The following FARS2 variants were observed in gnomAD, a reference collection of about 807,000 sequenced individuals.
FARS2 encodes phenylalanine--tRNA ligase, mitochondrial.
Under a neutral mutation model 46.4 loss-of-function variants are expected in FARS2, and 40 were observed. The observed-to-expected ratio is 0.86, with a 90% confidence interval of 0.67 to 1.12. The LOEUF is 1.12. Among genes scored for constraint, FARS2 ranks in the 50% most tolerant of loss-of-function variants. FARS2 has a pLI of 0.00. For missense variants in FARS2, 513 were observed against 567.9 expected (o/e 0.90, Z 0.98); for synonymous variants, 234 against 214.9 (o/e 1.09, Z -0.78).
At chr6:5,665,100 A>G (rs1460654450) in intron 6 of FARS2, 1 of 152,240 alleles carries the variant, frequency 6.6e-6, no homozygotes, top group Non-Finnish European at 1.5e-5. Flanking sequence ...AGGACAGGCT[A>G]TTTGTGAAGG....
intron 5 of FARS2, among the ~76,000 whole-genome samples, chr6:5,594,088 G>T (rs1319331215): frequency 6.6e-6 from 1 of 152,118 alleles, no homozygotes; most frequent in Non-Finnish European, 1.5e-5. Context: ...GTATTTTTTG[G>T]GTGGAAGGGA....
At chr6:5,340,904 T>C (rs1771507627) in intron 1 of FARS2, among the ~76,000 whole-genome samples, 1 of 151,640 alleles carries the variant, frequency 6.6e-6, no homozygotes, top group Non-Finnish European at 1.5e-5. Flanking sequence ...TCCCAGCACT[T>C]TGGGAGGCCG....
chr6:5,416,163 T>C (rs1762227564), intron 3 of FARS2, among the ~76,000 whole-genome samples: 2 of 152,370 alleles, frequency 1.3e-5, no homozygotes, highest in South Asian at 4.1e-4. Flanking sequence ...TAACCAATTT[T>C]TTTCTTTTAT....
intron 5 of FARS2, among the ~76,000 whole-genome samples, chr6:5,589,642 A>G (rs1408945805): frequency 6.6e-6 from 1 of 152,242 alleles, no homozygotes; most frequent in Non-Finnish European, 1.5e-5. Flanking sequence ...GACGAAGCAC[A>G]TTGCAACCTG....
At chr6:5,341,241 T>A (rs1189283297) in intron 1 of FARS2, among the ~76,000 whole-genome samples, 33 of 53,768 alleles carry the variant, frequency 6.1e-4, no homozygotes, top group Non-Finnish European at 8.3e-4. Context: ...ATATATTTTT[T>A]TTTTTTTTTT....
intron 6 of FARS2, among the ~76,000 whole-genome samples, chr6:5,756,963 G>A (rs899889330): frequency 1.3e-5 from 2 of 152,086 alleles, no homozygotes; most frequent in Non-Finnish European, 2.9e-5. Context: ...AAAAATGTTG[G>A]GCCACACCAG....
intron 1 of FARS2, among the ~76,000 whole-genome samples, chr6:5,306,122 A>T (rs1406959153): frequency 6.6e-6 from 1 of 152,182 alleles, no homozygotes; most frequent in Non-Finnish European, 1.5e-5. Context: ...AGGGAGCATG[A>T]ACTTTGAGCT....
At chr6:5,533,486 C>T (rs959553726) in intron 4 of FARS2, among the ~76,000 whole-genome samples, 2 of 152,170 alleles carry the variant, frequency 1.3e-5, no homozygotes, top group Admixed American at 6.5e-5. Flanking sequence ...TCTGTTGTTT[C>T]TTTGCAAATA....
At chr6:5,260,691 C>T, upstream of FARS2, 2 of 1,554,842 alleles carry the variant, frequency 1.3e-6, no homozygotes, top group Non-Finnish European at 1.7e-6. Context: ...CTCAGCATCG[C>T]CCGGTACAGA....
chr6:5,645,351 G>A (rs776360662), intron 6 of FARS2, among the ~76,000 whole-genome samples: 2 of 152,176 alleles, frequency 1.3e-5, no homozygotes, highest in Non-Finnish European at 2.9e-5. Flanking sequence ...TTCAATTAGA[G>A]TCACAAGCAA....
At chr6:5,717,070 C>G (rs1759542886) in intron 6 of FARS2, among the ~76,000 whole-genome samples, 1 of 152,204 alleles carries the variant, frequency 6.6e-6, no homozygotes, top group South Asian at 2.1e-4. Context: ...TCTCTCTGTG[C>G]AACATTCCTT....
intron 1 of FARS2, among the ~76,000 whole-genome samples, chr6:5,278,041 A>T (rs889070449): frequency 2.0e-5 from 3 of 152,152 alleles, no homozygotes; most frequent in Admixed American, 2.0e-4. Flanking sequence ...ATCTGTCATT[A>T]ATCTAAATTA....
intron 5 of FARS2, among the ~76,000 whole-genome samples, chr6:5,576,602 A>G (rs188873620): frequency 2.5e-3 from 362 of 147,090 alleles, no homozygotes; most frequent in Non-Finnish European, 4.0e-3. Context: ...TATATGATAT[A>G]TTATATATAT....
At chr6:5,745,624 C>T (rs186445938) in intron 6 of FARS2, among the ~76,000 whole-genome samples, 8 of 152,266 alleles carry the variant, frequency 5.3e-5, no homozygotes, top group Middle Eastern at 3.4e-3. Flanking sequence ...CTGCAGCCTC[C>T]GCCACCTGTG....
Position 5,711,391 on chromosome 6 carries a change from C to G in FARS2, c.1218-59900C>G, listed in dbSNP as rs575265705. Among the ~76,000 whole-genome samples, 7 of 152,278 alleles carry G rather than the reference C, an allele frequency of 4.6e-5. No individual in the cohort carries two copies. In the East Asian group the frequency reaches 1.4e-3, roughly 29 times the overall value. ...TCCCCCAACAAGGTGGAACATAACT[C>G]CCCACGCTTTAGTGTGGGCTGTACA... On this transcript the variant is annotated intron_variant, in intron 6 of 6. Transcript: ENST00000274680.
At chr6:5,446,408 C>G (rs911133363) in intron 4 of FARS2, among the ~76,000 whole-genome samples, 1 of 152,112 alleles carries the variant, frequency 6.6e-6, no homozygotes, top group Admixed American at 6.5e-5. Flanking sequence ...GTATTTGATA[C>G]TCCATTTAGT....
rs150792741 is a variant in FARS2, at chr6:5,576,479, G to C, written c.1065+31139G>C. On this transcript the variant is annotated intron_variant, in intron 5 of 6. Coordinates refer to ENST00000274680, the MANE Select transcript of FARS2 (RefSeq NM_006567.5). ...CTCGTACTGGCTTTCGTGCTCCTCA[G>C]CTTGCACATGGCCTATTTTGGGACC... 2.9e-3 allele frequency among the ~76,000 whole-genome samples: 443 copies of C among 151,542 alleles called. 1 individual carries two copies. The highest frequency in any genetic ancestry group is 0.01 in the African/African-American group (433 of 41,302).
chr6:5,382,753 CG>C (rs1759873047), intron 2 of FARS2, among the ~76,000 whole-genome samples: 1 of 151,918 alleles, frequency 6.6e-6, no homozygotes, highest in Non-Finnish European at 1.5e-5. Context: ...CCAGAGCAAC[CG>C]AACCAATAGG....
At chr6:5,713,742 C>T in intron 6 of FARS2, among the ~76,000 whole-genome samples, 1 of 152,204 alleles carries the variant, frequency 6.6e-6, no homozygotes, top group East Asian at 1.9e-4. Context: ...CATATTTGCA[C>T]AGGCCATTGT....
Sources: allele counts gnomAD v4.1 joint callset (sites outside exome capture counted in the v4.1 genomes callset), GRCh38; gene constraint gnomAD v4.1.1; transcripts MANE v1.5; gene names NCBI Gene and HGNC (gene_info 2026-07-23, HGNC 2026-07-21).